Variants in DAB1 observed in about 807,000 individuals in gnomAD.
The protein encoded by DAB1 is disabled homolog 1.
DAB1 carries 15 observed loss-of-function variants against 64.6 expected under a neutral mutation model. The observed-to-expected ratio is 0.23, with a 90% confidence interval of 0.16 to 0.36. DAB1 has a LOEUF of 0.36. Among genes scored for constraint, DAB1 ranks in the 10% least tolerant of loss-of-function variants. DAB1 has a pLI of 1.00. For synonymous variants in DAB1, 235 were observed against 251.9 expected (o/e 0.93, Z 0.64); for missense variants, 596 against 706.7 (o/e 0.84, Z 1.78).
chr1:58,473,495 T>C (rs1478420092), intron 3 of DAB1, among the ~76,000 whole-genome samples: 1 of 151,706 alleles, frequency 6.6e-6, no homozygotes, highest in Non-Finnish European at 1.5e-5. Context: ...TGAGCCGAGA[T>C]TGTGCCACTG....
intron 6 of DAB1, among the ~76,000 whole-genome samples, chr1:57,805,902 T>C (rs1167733198): frequency 6.6e-6 from 1 of 152,188 alleles, no homozygotes. Context: ...CAACCATCAT[T>C]ATTTCTCCTC....
intron 2 of DAB1, among the ~76,000 whole-genome samples, chr1:57,190,434 T>A (rs1664025035): frequency 1.3e-5 from 2 of 151,992 alleles, no homozygotes; most frequent in Non-Finnish European, 2.9e-5. Context: ...TCCAGAAAGG[T>A]GAAGTGACCT....
intron 6 of DAB1, among the ~76,000 whole-genome samples, chr1:57,803,479 A>G (rs1651223805): frequency 6.6e-6 from 1 of 152,246 alleles, no homozygotes; most frequent in Non-Finnish European, 1.5e-5. Flanking sequence ...GAGTTGATGC[A>G]GTCTTCCTGC....
chr1:58,247,831 C>T (rs1361743039), intron 4 of DAB1, among the ~76,000 whole-genome samples: 1 of 141,400 alleles, frequency 7.1e-6, no homozygotes, highest in African/African-American at 2.6e-5. Context: ...TCTCTGCTTC[C>T]TCTTTCCCAC....
At chr1:58,216,095 T>C (rs896438213) in intron 4 of DAB1, among the ~76,000 whole-genome samples, 1 of 152,154 alleles carries the variant, frequency 6.6e-6, no homozygotes, top group African/African-American at 2.4e-5. Flanking sequence ...GTTTGTTACA[T>C]AGGTATACAC....
At chr1:57,954,457 G>A (rs750287050) in intron 5 of DAB1, among the ~76,000 whole-genome samples, 31 of 152,086 alleles carry the variant, frequency 2.0e-4, no homozygotes, top group Non-Finnish European at 4.1e-4. Flanking sequence ...GTAGGTCCAG[G>A]AGTTACAATG....
chr1:58,349,887 T>C (rs752372311), intron 3 of DAB1, among the ~76,000 whole-genome samples: 1 of 152,196 alleles, frequency 6.6e-6, no homozygotes, highest in African/African-American at 2.4e-5. Flanking sequence ...TTCCAAGTCT[T>C]AGCTATTGTG....
chr1:57,577,617 G>A (rs1645265593), intron 7 of DAB1, among the ~76,000 whole-genome samples: 2 of 152,136 alleles, frequency 1.3e-5, no homozygotes, highest in Admixed American at 1.3e-4. Context: ...TGTGTGGGTG[G>A]CGAGAACCAA....
At chr1:58,501,449 T>C (rs570513040) in intron 3 of DAB1, among the ~76,000 whole-genome samples, 6 of 152,330 alleles carry the variant, frequency 3.9e-5, no homozygotes, top group South Asian at 2.1e-4. Context: ...CCCTCCACTA[T>C]TGTCCCATCT....
At chr1:57,059,061 T>G (rs1650122865) in intron 9 of DAB1, among the ~76,000 whole-genome samples, 1 of 152,162 alleles carries the variant, frequency 6.6e-6, no homozygotes, top group Non-Finnish European at 1.5e-5. Flanking sequence ...TGTAATCCCC[T>G]AGAATAGTTG....
At position 58,294,125 on chromosome 1, in the gene DAB1, A is replaced by T. The variant is rs943112349; in HGVS notation, n.309+49227T>A. Reference sequence around the variant, plus strand: ...CTAGTTAAACCTAGTAGACTCAAGCAACCGACAGCTTCCTAATCTACCCAA... The same window carrying T: ...CTAGTTAAACCTAGTAGACTCAAGCTACCGACAGCTTCCTAATCTACCCAA... On this transcript the variant is annotated intron_variant and non_coding_transcript_variant, in intron 4 of 20. Coordinates refer to the DAB1 transcript ENST00000485760. Among the ~76,000 whole-genome samples the T allele has an allele frequency of 5.3e-5, 8 of 152,302 alleles. 1 individual carries two copies. The highest frequency in any genetic ancestry group is 3.9e-4 in the Admixed American group (6 of 15,292).
intron 4 of DAB1, among the ~76,000 whole-genome samples, chr1:57,084,391 C>A (rs1267801570): frequency 1.3e-5 from 2 of 152,184 alleles, no homozygotes; most frequent in African/African-American, 4.8e-5. Context: ...ACAATCCCTG[C>A]AGACACCTTG....
intron 1 of DAB1, among the ~76,000 whole-genome samples, chr1:57,348,894 C>T (rs929843905): frequency 6.6e-5 from 10 of 152,158 alleles, no homozygotes; most frequent in Admixed American, 5.2e-4. Flanking sequence ...GCCCTTGACC[C>T]AGCCTTTAAC....
chr1:58,283,896 T>C (rs549840149), intron 4 of DAB1, among the ~76,000 whole-genome samples: 1 of 152,362 alleles, frequency 6.6e-6, no homozygotes, highest in Admixed American at 6.5e-5. Flanking sequence ...TCTACAGTCC[T>C]AGTTACCTAA....
At chr1:57,610,941 T>C (rs1333910157) in intron 7 of DAB1, among the ~76,000 whole-genome samples, 1 of 152,204 alleles carries the variant, frequency 6.6e-6, no homozygotes, top group Non-Finnish European at 1.5e-5. Flanking sequence ...CCTTGAGTGC[T>C]TAACTTTGCA....
At chr1:57,170,476 G>A (rs969166927) in intron 2 of DAB1, among the ~76,000 whole-genome samples, 1 of 152,162 alleles carries the variant, frequency 6.6e-6, no homozygotes, top group African/African-American at 2.4e-5. Context: ...AGGCACACAA[G>A]GGCAAGGCAT....
intron 2 of DAB1, among the ~76,000 whole-genome samples, chr1:58,510,492 A>G (rs1282118845): frequency 6.6e-6 from 1 of 152,180 alleles, no homozygotes; most frequent in Non-Finnish European, 1.5e-5. Flanking sequence ...TTATAGCTAT[A>G]TATGAAAAGC....
intron 6 of DAB1, among the ~76,000 whole-genome samples, chr1:57,814,114 A>G (rs1456902951): frequency 1.3e-5 from 2 of 152,210 alleles, no homozygotes; most frequent in Admixed American, 6.5e-5. Flanking sequence ...TGTGTGGGCA[A>G]GGCTAAATAA....
At chr1:57,509,280 T>C (rs932823499) in intron 7 of DAB1, among the ~76,000 whole-genome samples, 2 of 152,076 alleles carry the variant, frequency 1.3e-5, no homozygotes, top group Non-Finnish European at 2.9e-5. Flanking sequence ...TTTATTTTCT[T>C]AAAACAGCAC....
Sources: gnomAD v4.1 joint callset for allele counts (sites outside exome capture counted in the v4.1 genomes callset) on GRCh38, gnomAD v4.1.1 for gene constraint, MANE v1.5 for transcripts, NCBI Gene and HGNC (gene_info 2026-07-23, HGNC 2026-07-21) for gene names.